KCNG2: variants seen among roughly 807,000 people sequenced by gnomAD.
KCNG2 encodes the protein potassium voltage-gated channel modifier subfamily G member 2.
Under a neutral mutation model 12.3 loss-of-function variants are expected in KCNG2, and 7 were observed. That is an observed-to-expected ratio of 0.57 (90% CI 0.32 to 1.07). The LOEUF is 1.07. Ranked by LOEUF, KCNG2 falls within the 50% of genes least tolerant of loss-of-function variation. KCNG2 has a pLI of 0.04. For missense variants in KCNG2, 703 were observed against 726.0 expected (o/e 0.97, Z 0.36); for synonymous variants, 414 against 351.4 (o/e 1.18, Z -1.99).
In KCNG2 at chr18:79,899,652, T is replaced by C. The variant is rs778343980; in HGVS notation, c.1237T>C (p.Ser413Pro). The change falls in exon 4 of 4, where the codon TCC (serine) becomes CCC (proline). Residue 413 changes from serine to proline, a missense_variant. By Grantham distance (74) the Ser-to-Pro change is moderately conservative. Transcript: ENST00000316249. ...CTTCCACACCTTTTCGCGCTCCTAC[T>C]CCGAGCTCAAGGAGCAGCAGCAGCG... ...SIFHTFSRSY[S>P]ELKEQQQRAA... The C allele has an allele frequency of 6.2e-7, 1 of 1,606,718 alleles. No individual in the cohort carries two copies. The highest frequency in any genetic ancestry group is 8.5e-7 in the Non-Finnish European group (1 of 1,177,282).
intron 3 of KCNG2, among the ~76,000 whole-genome samples, chr18:79,888,352 G>T (rs922800148): frequency 1.3e-5 from 2 of 151,524 alleles, no homozygotes; most frequent in Admixed American, 6.5e-5. Context: ...GAGGCTGCAG[G>T]GGGGCTGGGA....
intron 3 of KCNG2, among the ~76,000 whole-genome samples, chr18:79,873,285 T>A (rs1460216931): frequency 2.0e-5 from 3 of 152,192 alleles, no homozygotes; most frequent in Non-Finnish European, 4.4e-5. Flanking sequence ...GACTTTGTTT[T>A]TTCCCAGGCT....
At chr18:79,882,153 C>T (rs1460950838) in intron 3 of KCNG2, among the ~76,000 whole-genome samples, 3 of 152,176 alleles carry the variant, frequency 2.0e-5, no homozygotes, top group Non-Finnish European at 4.4e-5. Flanking sequence ...GAAGGAGTTC[C>T]CAGACGTGGC....
intron 1 of KCNG2, among the ~76,000 whole-genome samples, chr18:79,826,957 T>G (rs182623777): frequency 7.2e-4 from 110 of 152,334 alleles, no homozygotes; most frequent in African/African-American, 2.5e-3. Flanking sequence ...AATGTAAAAG[T>G]TTAATTACAG....
rs1162742507 is a variant in KCNG2 at position 79,872,280 on chromosome 18, G to GTTTTTTTTTTTTT, written c.624+8000_624+8012dup. 1.8e-3 allele frequency among the ~76,000 whole-genome samples: 130 copies of GTTTTTTTTTTTTT among 73,408 alleles called. 10 individuals are homozygous for GTTTTTTTTTTTTT. The highest frequency in any genetic ancestry group is 0.023 in the Middle Eastern group (1 of 44). 48.2% of individuals were successfully genotyped at this position (73,408 alleles called of 152,430 possible). A position where few individuals can be genotyped will look rare whatever the true frequency, so the allele number is the denominator to read the frequency against. Reference sequence around the variant, plus strand: ...CTGATATAAAAGCTTCAAAGCTTCAGTTTTTTTTTTTTTTTTTTTTTTTGA... The same window carrying GTTTTTTTTTTTTT: ...CTGATATAAAAGCTTCAAAGCTTCAGTTTTTTTTTTTTTTTTTTTTTTTTTTTTTTTTTTTTGA... On this transcript the variant is annotated intron_variant, in intron 3 of 3. Transcript: ENST00000316249.
chr18:79,855,811 C>T (rs940683300), intron 1 of KCNG2, among the ~76,000 whole-genome samples: 6 of 152,114 alleles, frequency 3.9e-5, no homozygotes, highest in South Asian at 2.1e-4. Flanking sequence ...AAGAGTGTGT[C>T]GTCAAACTGG....
intron 3 of KCNG2, among the ~76,000 whole-genome samples, chr18:79,865,311 G>A: frequency 8.8e-6 from 1 of 113,256 alleles, no homozygotes; most frequent in Non-Finnish European, 2.1e-5. Context: ...TCTGGGTGCT[G>A]AGGTCTGGGT....
chr18:79,808,198 C>T (rs2087467552), intron 1 of KCNG2, among the ~76,000 whole-genome samples: 1 of 83,168 alleles, frequency 1.2e-5, no homozygotes, highest in African/African-American at 5.3e-5. Context: ...GAGGAGCTGC[C>T]GGGGCCTCGC....
intron 1 of KCNG2, among the ~76,000 whole-genome samples, chr18:79,846,111 G>A (rs1263610814): frequency 6.6e-5 from 10 of 150,704 alleles, no homozygotes; most frequent in Admixed American, 4.0e-4. Flanking sequence ...GGTGGCTCAC[G>A]CCTGTAATCC....
intron 3 of KCNG2, among the ~76,000 whole-genome samples, chr18:79,876,644 C>T (rs1159123536): frequency 6.6e-6 from 1 of 152,226 alleles, no homozygotes; most frequent in Non-Finnish European, 1.5e-5. Flanking sequence ...ACGCTGGTGC[C>T]CTGAGGGCAG....
chr18:79,887,959 G>A (rs1482884446), intron 3 of KCNG2, among the ~76,000 whole-genome samples: 2 of 152,162 alleles, frequency 1.3e-5, no homozygotes, highest in South Asian at 4.1e-4. Context: ...CCACCGTCTC[G>A]GGCTCACAGG....
At chr18:79,866,533 T>C (rs1197302491) in intron 3 of KCNG2, among the ~76,000 whole-genome samples, 7 of 141,264 alleles carry the variant, frequency 5.0e-5, no homozygotes, top group African/African-American at 1.9e-4. Context: ...GAAGTCTGGG[T>C]GCTGAGAGGT....
At chr18:79,799,739 G>A (rs2087392791) in intron 1 of KCNG2, among the ~76,000 whole-genome samples, 2 of 152,238 alleles carry the variant, frequency 1.3e-5, no homozygotes, top group African/African-American at 2.4e-5. Flanking sequence ...CCACAGGCAG[G>A]AGGCTGCTCA....
chr18:79,883,159 C>G (rs1316195997), intron 3 of KCNG2, among the ~76,000 whole-genome samples: 1 of 151,992 alleles, frequency 6.6e-6, no homozygotes, highest in African/African-American at 2.4e-5. Context: ...CTCGCAGGGC[C>G]TGACGCGGGA....
chr18:79,864,978 G>GAGAGGTCTGTGTGCTA (rs1491532435), intron 3 of KCNG2, among the ~76,000 whole-genome samples: 3 of 143,032 alleles, frequency 2.1e-5, no homozygotes, highest in Non-Finnish European at 4.6e-5. Context: ...TCTGGGTGCT[G>GAGAGGTCTGTGTGCTA]AGAGGTCTGT....
At chr18:79,801,654 C>T (rs2087410603) in intron 1 of KCNG2, among the ~76,000 whole-genome samples, 2 of 152,246 alleles carry the variant, frequency 1.3e-5, no homozygotes, top group Admixed American at 6.5e-5. Flanking sequence ...AATTATGGGG[C>T]CCAGTGTAGC....
intron 3 of KCNG2, among the ~76,000 whole-genome samples, chr18:79,867,146 G>A (rs1180902807): frequency 7.5e-6 from 1 of 132,706 alleles, no homozygotes; most frequent in Non-Finnish European, 1.7e-5. Context: ...TGTGTGCCGA[G>A]GTCTGGGTAC....
At chr18:79,897,513 G>A (rs1323383191) in intron 3 of KCNG2, among the ~76,000 whole-genome samples, 1 of 152,096 alleles carries the variant, frequency 6.6e-6, no homozygotes, top group Non-Finnish European at 1.5e-5. Context: ...ATTGATAGTG[G>A]CTGCTTTGAA....
At chr18:79,879,561 AAGT>A (rs1980212871) in intron 3 of KCNG2, among the ~76,000 whole-genome samples, 1 of 152,228 alleles carries the variant, frequency 6.6e-6, no homozygotes, top group Admixed American at 6.5e-5. Context: ...CTCAAAAAAG[AAGT>A]AGTACACATT....
Sources: allele counts gnomAD v4.1 joint callset (sites outside exome capture counted in the v4.1 genomes callset), GRCh38; gene constraint gnomAD v4.1.1; transcripts MANE v1.5; gene names NCBI Gene and HGNC (gene_info 2026-07-23, HGNC 2026-07-21).